ARNT2: variants seen among roughly 807,000 people sequenced by gnomAD.
ARNT2 encodes ARNT protein 2.
ARNT2 carries 36 observed loss-of-function variants against 91.7 expected under a neutral mutation model. The observed-to-expected ratio is 0.39, with a 90% CI of 0.30 to 0.52. The LOEUF (loss-of-function observed/expected upper bound fraction) is 0.52, where lower values mean the gene tolerates loss of function less well. Among genes scored for constraint, ARNT2 ranks in the 20% least tolerant of loss-of-function variants. The probability of loss-of-function intolerance (pLI) is 0.72; values close to 1 mark genes in which losing one functional copy is unlikely to be tolerated. For synonymous variants in ARNT2, 365 were observed against 347.1 expected, an observed-to-expected ratio of 1.05 and a Z score of -0.57; for missense variants, 775 against 939.3, an observed-to-expected ratio of 0.83 and a Z score of 2.29.
At chr15:80,550,052 A>G (rs1399205121) in intron 8 of ARNT2, among the ~76,000 whole-genome samples, 3 of 152,222 alleles carry the variant, frequency 2.0e-5, no homozygotes, top group African/African-American at 7.2e-5. Context: ...ATGAATATGG[A>G]GTGAATTCCA....
In ARNT2 at chr15:80,531,103, G is replaced by A. The variant is rs180736147; in HGVS notation, c.877+16698G>A. ...TGAACAAGTACCCTTAACTCTGCTC[G>A]TAGCAGAAGGTGGTTTTTTCCTTCT... On this transcript the variant is annotated intron_variant, in intron 8 of 18. Transcript: ENST00000303329. Among the ~76,000 whole-genome samples, 129 of 152,300 alleles carry A rather than the reference G, an allele frequency of 8.5e-4. 1 individual carries two copies. The highest frequency in any genetic ancestry group is 2.6e-3 in the African/African-American group (109 of 41,570).
intron 5 of ARNT2, among the ~76,000 whole-genome samples, chr15:80,489,603 C>G (rs1023460348): frequency 1.3e-5 from 2 of 152,232 alleles, no homozygotes; most frequent in African/African-American, 4.8e-5. Context: ...ACAGCTCTCT[C>G]CATAATAGGC....
At chr15:80,563,346 C>T in intron 12 of ARNT2, 107 bp downstream of exon 12, 2 of 1,383,864 alleles carry the variant, frequency 1.4e-6, no homozygotes, top group African/African-American at 1.4e-5. Context: ...CTCCCTGCAG[C>T]TGGAAATCCC....
intron 8 of ARNT2, among the ~76,000 whole-genome samples, chr15:80,544,826 G>C (rs1897965679): frequency 6.6e-6 from 1 of 152,188 alleles, no homozygotes; most frequent in African/African-American, 2.4e-5. Context: ...AAGGATGTTT[G>C]TCCCAGAACG....
At chr15:80,434,907 G>GAGA (rs1896064216) in intron 1 of ARNT2, among the ~76,000 whole-genome samples, 1 of 152,106 alleles carries the variant, frequency 6.6e-6, no homozygotes. Flanking sequence ...CGCAGGGTGG[G>GAGA]TGGGAGATGG....
chr15:80,429,185 G>C lies in ARNT2; in HGVS notation c.32-21695G>C, dbSNP rs1428078187. 3.3e-5 allele frequency among the ~76,000 whole-genome samples: 5 copies of C among 152,178 alleles called. No homozygotes were observed. In the East Asian group the frequency reaches 9.6e-4, roughly 29 times the overall value. ...CTCTGGAGTGATAAGAGTGTCTTTT[G>C]TGTATTAATGAGATGACCTGTGGCT... On this transcript the variant is annotated intron_variant, in intron 1 of 18. Coordinates refer to ENST00000303329, the MANE Select transcript of ARNT2 (RefSeq NM_014862.4).
chr15:80,584,168 C>T (rs1010321554), intron 17 of ARNT2, among the ~76,000 whole-genome samples: 23 of 152,004 alleles, frequency 1.5e-4, no homozygotes, highest in African/African-American at 5.3e-4. Context: ...GACCTCGAGG[C>T]GAGGGGTTGC....
At chr15:80,543,888 G>A (rs1374788510) in intron 8 of ARNT2, among the ~76,000 whole-genome samples, 2 of 152,006 alleles carry the variant, frequency 1.3e-5, no homozygotes, top group Non-Finnish European at 2.9e-5. Context: ...TTACAGGCAC[G>A]TGCCACCATG....
chr15:80,413,110 G>A (rs1321213752), intron 1 of ARNT2, among the ~76,000 whole-genome samples: 1 of 151,638 alleles, frequency 6.6e-6, no homozygotes, highest in East Asian at 1.9e-4. Flanking sequence ...TAGGGTAATT[G>A]GTCCAGGTCA....
intron 8 of ARNT2, among the ~76,000 whole-genome samples, chr15:80,540,128 A>G (rs1309340320): frequency 6.6e-6 from 1 of 152,192 alleles, no homozygotes; most frequent in Non-Finnish European, 1.5e-5. Context: ...CCAAGAGTCC[A>G]GTTTTTATGC....
chr15:80,527,909 G>A (rs1897664424), intron 8 of ARNT2, among the ~76,000 whole-genome samples: 1 of 152,140 alleles, frequency 6.6e-6, no homozygotes, highest in Non-Finnish European at 1.5e-5. Flanking sequence ...GGCCTTGTGT[G>A]CTAAGCCTGA....
intron 17 of ARNT2, among the ~76,000 whole-genome samples, chr15:80,587,040 A>G (rs59232770): frequency 0.09 from 13,651 of 152,048 alleles, 1,511 homozygotes; most frequent in African/African-American, 0.25. Context: ...GGACATTTTT[A>G]CCAGTGAATT....
intron 8 of ARNT2, among the ~76,000 whole-genome samples, chr15:80,518,473 G>A (rs1897479760): frequency 6.6e-6 from 1 of 151,772 alleles, no homozygotes; most frequent in Admixed American, 6.6e-5. Flanking sequence ...TAGAGGTGGG[G>A]TTTCACCATG....
At chr15:80,578,715 A>T (rs1898732242) in intron 15 of ARNT2, among the ~76,000 whole-genome samples, 1 of 152,032 alleles carries the variant, frequency 6.6e-6, no homozygotes, top group Non-Finnish European at 1.5e-5. Flanking sequence ...GAATCCAAGG[A>T]ACGTCCGAAC....
rs546152148 is a variant in ARNT2 at position 80,461,745 on chromosome 15, G to A, written c.194+3769G>A. Among the ~76,000 whole-genome samples the A allele has an allele frequency of 2.6e-5, 4 of 152,194 alleles. No homozygotes were observed. In the South Asian group the frequency reaches 6.2e-4, roughly 24 times the overall value. On this transcript the variant is annotated intron_variant, in intron 3 of 18. Transcript: ENST00000303329. ...GCCTAGAAGGTGGCAGAGACGGATG[G>A]CACGAGTTTCAGAGGAGGAGGCCTT...
intron 3 of ARNT2, 43 bp from the exon 4 acceptor site, chr15:80,470,175 T>C: frequency 2.0e-6 from 3 of 1,467,138 alleles, no homozygotes; most frequent in Non-Finnish European, 2.7e-6. Flanking sequence ...AATCTGATAC[T>C]TCTCTTTTTT....
intron 17 of ARNT2, among the ~76,000 whole-genome samples, chr15:80,584,150 G>A (rs1898848830): frequency 6.6e-6 from 1 of 152,194 alleles, no homozygotes; most frequent in Non-Finnish European, 1.5e-5. Context: ...TCTTGGGAGG[G>A]AGAGGGAGAC....
At chr15:80,426,005 G>A (rs897735353) in intron 1 of ARNT2, among the ~76,000 whole-genome samples, 3 of 151,098 alleles carry the variant, frequency 2.0e-5, no homozygotes, top group Non-Finnish European at 4.4e-5. Flanking sequence ...AGGCTGCAGT[G>A]AGCTATGGTC....
At position 80,404,463 on chromosome 15, in the gene ARNT2, GC is replaced by G; in HGVS notation, c.-52del. 1 of 1,178,656 alleles carries G rather than the reference GC, an allele frequency of 8.5e-7. No homozygotes were observed. Among genetic ancestry groups the G allele is most frequent in the Non-Finnish European group, 1.1e-6 (1 of 934,126 alleles). 73.0% of individuals were successfully genotyped at this position (1,178,656 alleles called of 1,614,324 possible). A position where few individuals can be genotyped will look rare whatever the true frequency, so the allele number is the denominator to read the frequency against. The stretch of plus-strand genomic sequence containing the variant: ...TCCCCGGGGCTGAGCGCCGGGCTCC[GC>G]GCCGCCCCTCCCGCGCCCCTGCCAA... On this transcript the variant is annotated 5_prime_UTR_variant, in exon 1 of 19. Coordinates refer to ENST00000303329, the MANE Select transcript of ARNT2 (RefSeq NM_014862.4). The surrounding 1 kb of genome is among the most constrained non-coding windows in gnomAD (Gnocchi z 5.5).
Sources: gnomAD v4.1 joint callset for allele counts (sites outside exome capture counted in the v4.1 genomes callset) on GRCh38, gnomAD v4.1.1 for gene constraint, Gnocchi (gnomAD v3.1) non-coding constraint, MANE v1.5 for transcripts, NCBI Gene and HGNC (gene_info 2026-07-23, HGNC 2026-07-21) for gene names.